Variants in LPA observed in about 807,000 individuals in gnomAD.
LPA encodes the protein lipoprotein(a), also known as apolipoprotein(a).
Under a neutral mutation model 197.9 loss-of-function variants are expected in LPA, and 199 were observed. The ratio of observed to expected loss-of-function variants is 1.01; its 90% CI spans 0.90 to 1.13. The LOEUF is 1.13. LPA is among the 50% of genes most tolerant of loss of function. LPA has a pLI of 0.00. For missense variants in LPA, 1,853 were observed against 1,785.8 expected (o/e 1.04, Z -0.68); for synonymous variants, 715 against 639.5 (o/e 1.12, Z -1.78).
Position 160,654,010 on chromosome 6 carries a change from TATTATATATA to T in LPA, c.50-3523_50-3514del, listed in dbSNP as rs1562354746. Among the ~76,000 whole-genome samples the T allele has an allele frequency of 7.8e-4, 15 of 19,308 alleles. 1 individual carries two copies. The highest frequency in any genetic ancestry group is 1.1e-3 in the Non-Finnish European group (14 of 12,678). The allele number at this position is 19,308 out of a possible 152,430, so 12.7% of individuals were successfully genotyped here. A position where few individuals can be genotyped will look rare whatever the true frequency, so the allele number is the denominator to read the frequency against. The stretch of plus-strand genomic sequence containing the variant: ...TATAATATATATTATATATAATATA[TATTATATATA>T]ATATATAATATATATTATATATAAT... On this transcript the variant is annotated intron_variant, in intron 1 of 38. Coordinates refer to ENST00000316300, the MANE Select transcript of LPA (RefSeq NM_005577.4).
chr6:160,592,028 C>T (rs1779040063), intron 22 of LPA, among the ~76,000 whole-genome samples: 1 of 152,172 alleles, frequency 6.6e-6, no homozygotes, highest in Admixed American at 6.5e-5. Context: ...ATACCTGAGT[C>T]ATTGAGCTTC....
chr6:160,607,503 C>A (rs1334026363), intron 16 of LPA, among the ~76,000 whole-genome samples: 1 of 152,088 alleles, frequency 6.6e-6, no homozygotes, highest in Admixed American at 6.5e-5. Context: ...CTGAAGAGGT[C>A]GGACAGCTAC....
At chr6:160,598,446 G>A (rs374534440) in intron 20 of LPA, among the ~76,000 whole-genome samples, 2 of 152,190 alleles carry the variant, frequency 1.3e-5, no homozygotes, top group Non-Finnish European at 2.9e-5. Context: ...TTCAGTGCAG[G>A]AAGGGTCTCC....
intron 20 of LPA, 53 bp downstream of exon 20, chr6:160,599,447 A>G: frequency 6.2e-7 from 1 of 1,608,784 alleles, no homozygotes; most frequent in Non-Finnish European, 8.5e-7. Context: ...GACTCTTCTA[A>G]CAGAAACTTC....
At chr6:160,606,801 A>G (rs1779364360) in intron 16 of LPA, 143 bp from the exon 17 acceptor site, 1 of 1,288,164 alleles carries the variant, frequency 7.8e-7, no homozygotes, top group Non-Finnish European at 1.1e-6. Context: ...TGCCACAAGC[A>G]CAAATGGCTC....
chr6:160,575,034 CT>C (rs1420257918), intron 28 of LPA, among the ~76,000 whole-genome samples: 1 of 152,114 alleles, frequency 6.6e-6, no homozygotes, highest in Non-Finnish European at 1.5e-5. Context: ...GTAACTGTTC[CT>C]TTATATAAAC....
At chr6:160,648,250 G>A (rs935885218) in intron 2 of LPA, among the ~76,000 whole-genome samples, 9 of 151,896 alleles carry the variant, frequency 5.9e-5, no homozygotes, top group Non-Finnish European at 1.2e-4. Context: ...TGTTTTTCCC[G>A]TTCCTTACGA....
At chr6:160,597,265 G>T (rs1779151487) in intron 20 of LPA, among the ~76,000 whole-genome samples, 2 of 152,216 alleles carry the variant, frequency 1.3e-5, no homozygotes, top group Admixed American at 1.3e-4. Flanking sequence ...ACCATAGTGA[G>T]AGAATCAAGG....
chr6:160,590,146 A>C (rs529146302), intron 23 of LPA, among the ~76,000 whole-genome samples: 2 of 152,274 alleles, frequency 1.3e-5, no homozygotes, highest in Admixed American at 1.3e-4. Flanking sequence ...CCAAAGCCTT[A>C]AGTTTCTGGA....
chr6:160,647,069 C>G (rs1779899551), intron 2 of LPA, among the ~76,000 whole-genome samples: 1 of 152,174 alleles, frequency 6.6e-6, no homozygotes, highest in Non-Finnish European at 1.5e-5. Flanking sequence ...AACTTGCTCC[C>G]AGGCAGAATG....
intron 28 of LPA, among the ~76,000 whole-genome samples, chr6:160,560,906 T>A (rs1778350102): frequency 6.6e-6 from 1 of 151,816 alleles, no homozygotes; most frequent in Non-Finnish European, 1.5e-5. Flanking sequence ...GGGTTTGATT[T>A]TTTGTTTTTG....
chr6:160,610,396 T>C (rs1779468327), intron 16 of LPA, among the ~76,000 whole-genome samples: 1 of 152,152 alleles, frequency 6.6e-6, no homozygotes, highest in South Asian at 2.1e-4. Flanking sequence ...AAATTATGGC[T>C]GTTCTGGGGT....
chr6:160,607,991 TA>T (rs1779395018), intron 16 of LPA, among the ~76,000 whole-genome samples: 1 of 152,176 alleles, frequency 6.6e-6, no homozygotes, highest in South Asian at 2.1e-4. Context: ...GGTACACTTC[TA>T]ATTATTCCCT....
At chr6:160,561,779 C>T (rs374873908) in intron 28 of LPA, among the ~76,000 whole-genome samples, 1 of 152,140 alleles carries the variant, frequency 6.6e-6, no homozygotes, top group South Asian at 2.1e-4. Context: ...TTGAAGAGGT[C>T]CTTCACATCC....
chr6:160,606,487 AG>A lies in LPA; in HGVS notation c.2774del (p.Pro925LeufsTer43). 6.2e-7 allele frequency: 1 copy of A among 1,613,472 alleles called. No homozygotes were observed. Reference sequence around the variant, plus strand: ...CCACAGGCTCCTTACCTTGTTCAGAAGGAGCCTCTAGGCTTGGAATCGGGGT... The same window carrying A: ...CCACAGGCTCCTTACCTTGTTCAGAAGAGCCTCTAGGCTTGGAATCGGGGT... ...TITPIPSLEA[P>X]SEQAPTEQRP... On this transcript the variant is annotated frameshift_variant, in exon 17 of 39. Coordinates refer to ENST00000316300, the MANE Select transcript of LPA (RefSeq NM_005577.4). LOFTEE classifies it high-confidence loss of function.
At chr6:160,595,002 C>T (rs374622881) in intron 21 of LPA, among the ~76,000 whole-genome samples, 1 of 152,158 alleles carries the variant, frequency 6.6e-6, no homozygotes. Context: ...TGAAGAAATA[C>T]CATGAAAGGC....
chr6:160,597,980 G>A (rs1377658706), intron 20 of LPA, among the ~76,000 whole-genome samples: 1 of 152,124 alleles, frequency 6.6e-6, no homozygotes, highest in Non-Finnish European at 1.5e-5. Context: ...TTGGAGATTT[G>A]CTTTTCAGCT....
At chr6:160,593,002 C>T (rs1300083683) in intron 22 of LPA, among the ~76,000 whole-genome samples, 1 of 152,172 alleles carries the variant, frequency 6.6e-6, no homozygotes. Context: ...GAAAACTCTC[C>T]TTGTGCATAC....
At chr6:160,599,349 A>G (rs942160146) in intron 20 of LPA, 151 bp downstream of exon 20, 11 of 1,254,750 alleles carry the variant, frequency 8.8e-6, no homozygotes, top group African/African-American at 7.4e-5. Flanking sequence ...TCTCAAAAAA[A>G]CAAAGTCTTC....
Sources: gnomAD v4.1 joint callset for allele counts (sites outside exome capture counted in the v4.1 genomes callset) on GRCh38, gnomAD v4.1.1 for gene constraint, MANE v1.5 for transcripts, NCBI Gene and HGNC (gene_info 2026-07-23, HGNC 2026-07-21) for gene names.